The following ALDH1L1 variants were observed in gnomAD, a reference collection of about 807,000 sequenced individuals.
ALDH1L1 encodes the protein aldehyde dehydrogenase 1 family member L1, also known as cytosolic 10-formyltetrahydrofolate dehydrogenase.
In ALDH1L1, 68 loss-of-function variants were observed where a neutral mutation model predicts 101.1. The ratio of observed to expected loss-of-function variants is 0.67; its 90% CI spans 0.55 to 0.82. The LOEUF (loss-of-function observed/expected upper bound fraction) is 0.82. ALDH1L1 is among the 40% of genes least tolerant of loss of function. The pLI is 0.00. For synonymous variants in ALDH1L1, 486 were observed against 470.8 expected (o/e 1.03, Z -0.42); for missense variants, 1,087 against 1,172.7 (o/e 0.93, Z 1.07).
rs1233098503 is a variant in ALDH1L1, at chr3:126,190,333, T to C, written c.-24+7402A>G. 3.3e-5 allele frequency among the ~76,000 whole-genome samples: 5 copies of C among 152,294 alleles called. 1 individual carries two copies. The South Asian group carries it at 1.0e-3, about 32-fold the overall frequency. ...GACAAATCAAACATTGGCTATCAAC[T>C]CTTTTAGCAATTTTAGAACAATCAC... On this transcript the variant is annotated intron_variant, in intron 1 of 2. Coordinates refer to the ALDH1L1 transcript ENST00000509952.
intron 10 of ALDH1L1, 88 bp downstream of exon 10, chr3:126,137,725 C>T: frequency 6.6e-7 from 1 of 1,511,294 alleles, no homozygotes; most frequent in South Asian, 1.3e-5. Flanking sequence ...TTCTGAATGT[C>T]CAGGTTTCCC....
chr3:126,180,467 GA>G lies in ALDH1L1; in HGVS notation c.-24+8del. 1 of 993,880 alleles carries G rather than the reference GA, an allele frequency of 1.0e-6. No individual in the cohort carries two copies. Among genetic ancestry groups the G allele is most frequent in the Non-Finnish European group, 1.2e-6 (1 of 834,824 alleles). 61.6% of individuals were successfully genotyped at this position (993,880 alleles called of 1,614,324 possible). On this transcript the variant is annotated splice_region_variant and intron_variant, in intron 1 of 22. Coordinates refer to ENST00000393434, the MANE Select transcript of ALDH1L1 (RefSeq NM_012190.4). Reference sequence around the variant, plus strand: ...GGAGTCCAGCGCTCTCGAGAGCCCAGAAACTCACCGCGCGCAGGAGTTGGTG... The same window carrying G: ...GGAGTCCAGCGCTCTCGAGAGCCCAGAACTCACCGCGCGCAGGAGTTGGTG...
chr3:126,125,699 AG>A lies in ALDH1L1; in HGVS notation c.1716del (p.Trp573GlyfsTer5). 6.3e-7 allele frequency: 1 copy of A among 1,582,318 alleles called. No individual in the cohort carries two copies. The highest frequency in any genetic ancestry group is 8.6e-7 in the Non-Finnish European group (1 of 1,162,838). ...EPVGVCGIIIPWNYPLMMLSW... is the reference protein window; with the variant it reads ...EPVGVCGIIIXWNYPLMMLSW... ...GACAGCATCATCAGGGGATAGTTCCAGGGGATGATGATGCCACAAACCCTGC... is the reference window on the plus strand; with the variant it reads ...GACAGCATCATCAGGGGATAGTTCCAGGGATGATGATGCCACAAACCCTGC... On this transcript the variant is annotated frameshift_variant, in exon 15 of 23. Coordinates refer to ENST00000393434, the MANE Select transcript of ALDH1L1 (RefSeq NM_012190.4). LOFTEE classifies it high-confidence loss of function.
In ALDH1L1 at chr3:126,105,766, G is replaced by A. The variant is rs778185806; in HGVS notation, c.2613C>T (p.Pro871=). 16 of 1,614,238 alleles carry A rather than the reference G, an allele frequency of 9.9e-6. No individual in the cohort carries two copies. In the East Asian group the frequency reaches 3.6e-4, roughly 36 times the overall value. ...NTYNKTDVAA[P]FGGFKQSGFG... ...ATCCAGACTGTTTGAATCCTCCGAAGGGAGCGGCCACGTCGGTCTTGTTGT... is the reference window on the plus strand; with the variant it reads ...ATCCAGACTGTTTGAATCCTCCGAAAGGAGCGGCCACGTCGGTCTTGTTGT... Residue 871 remains proline (P), a synonymous_variant, in exon 22 of 23, where the codon CCC becomes CCT. Coordinates refer to ENST00000393434, the MANE Select transcript of ALDH1L1 (RefSeq NM_012190.4).
intron 20 of ALDH1L1, among the ~76,000 whole-genome samples, chr3:126,108,526 C>T (rs1945965423): frequency 6.6e-6 from 1 of 152,220 alleles, no homozygotes; most frequent in African/African-American, 2.4e-5. Flanking sequence ...GCTCCCCCAA[C>T]CCCACCTGCC....
At chr3:126,177,463 T>C (rs1398599574) in intron 1 of ALDH1L1, among the ~76,000 whole-genome samples, 1 of 152,106 alleles carries the variant, frequency 6.6e-6, no homozygotes, top group Non-Finnish European at 1.5e-5. Flanking sequence ...CTGGAAAGGC[T>C]ATATACCATA....
chr3:126,144,099 A>G (rs2080623483), intron 9 of ALDH1L1, among the ~76,000 whole-genome samples: 2 of 152,186 alleles, frequency 1.3e-5, no homozygotes, highest in Middle Eastern at 3.2e-3. Flanking sequence ...GGAAATTAAT[A>G]AAACAATTCC....
chr3:126,117,889 C>T (rs1350496572), intron 17 of ALDH1L1, 116 bp downstream of exon 17: 13 of 1,045,356 alleles, frequency 1.2e-5, no homozygotes, highest in African/African-American at 7.9e-5. Flanking sequence ...AGCAGGGCCA[C>T]GGAAGTGGCT....
chr3:126,150,353 T>G, intron 8 of ALDH1L1, 53 bp downstream of exon 8: 5 of 1,541,266 alleles, frequency 3.2e-6, no homozygotes, highest in Non-Finnish European at 3.5e-6. Flanking sequence ...GCAGAACACA[T>G]GTGCACGGCA....
intron 20 of ALDH1L1, among the ~76,000 whole-genome samples, chr3:126,107,710 C>T (rs917504463): frequency 3.3e-5 from 5 of 152,288 alleles, no homozygotes; most frequent in East Asian, 3.9e-4. Flanking sequence ...GCACTGGGAC[C>T]TCCTGGGGCT....
chr3:126,154,665 T>C (rs1336153685), intron 5 of ALDH1L1, 22 bp from the exon 6 acceptor site: 2 of 1,611,374 alleles, frequency 1.2e-6, no homozygotes, highest in Non-Finnish European at 1.7e-6. Flanking sequence ...AAGGTGTGTG[T>C]GCTCAGCTGG....
chr3:126,126,480 T>C (rs969233048), intron 14 of ALDH1L1, among the ~76,000 whole-genome samples: 1 of 152,116 alleles, frequency 6.6e-6, no homozygotes, highest in Admixed American at 6.5e-5. Context: ...CACTGGGTGT[T>C]TCCCCAAAAG....
At chr3:126,176,754 C>T (rs528099830) in intron 1 of ALDH1L1, among the ~76,000 whole-genome samples, 1 of 152,108 alleles carries the variant, frequency 6.6e-6, no homozygotes, top group African/African-American at 2.4e-5. Context: ...TTCTGCTCTG[C>T]AAAAGACACT....
upstream of ALDH1L1, among the ~76,000 whole-genome samples, chr3:126,182,229 C>T (rs906787592): frequency 6.6e-6 from 1 of 152,142 alleles, no homozygotes; most frequent in Admixed American, 6.5e-5. Flanking sequence ...TCAATGGACC[C>T]TCCACCTCCT....
intron 1 of ALDH1L1, among the ~76,000 whole-genome samples, chr3:126,168,286 G>A (rs1185056918): frequency 6.6e-6 from 1 of 151,954 alleles, no homozygotes; most frequent in African/African-American, 2.4e-5. Context: ...TTCTTAAAAT[G>A]CTAATCTACT....
chr3:126,152,904 T>C (rs1559956127), intron 7 of ALDH1L1: 1 of 210,010 alleles, frequency 4.8e-6, no homozygotes, highest in Non-Finnish European at 9.7e-6. Flanking sequence ...ATTTAACGCA[T>C]ATACATTGTT....
In ALDH1L1 at chr3:126,154,638, G is replaced by T; in HGVS notation, c.636C>A (p.Asn212Lys). The change falls in exon 6 of 23, where the codon AAC (asparagine) becomes AAA (lysine). Residue 212 changes from asparagine (N) to lysine (K), a missense_variant. Physicochemically the swap from Asn to Lys is moderately conservative, Grantham distance 94. This residue lies in a region of ALDH1L1 where 645 missense variants were observed against 637.0 expected (regional missense o/e 1.01). Transcript: ENST00000393434. Reference sequence around the variant, plus strand: ...GAATGGCCTCTGCCGGCTGGTCCCAGTTGATCTGTGGGGAGCAAGGTGTGT... The same window carrying T: ...GAATGGCCTCTGCCGGCTGGTCCCATTTGATCTGTGGGGAGCAAGGTGTGT... ...GIQKKETAKI[N>K]WDQPAEAIHN... 2.5e-6 allele frequency: 4 copies of T among 1,614,088 alleles called. No individual in the cohort carries two copies. The highest frequency in any genetic ancestry group is 2.5e-6 in the Non-Finnish European group (3 of 1,180,010).
chr3:126,134,145 C>T (rs569554594), intron 12 of ALDH1L1, among the ~76,000 whole-genome samples: 5 of 152,308 alleles, frequency 3.3e-5, no homozygotes, highest in African/African-American at 9.6e-5. Context: ...GAACTGCCCC[C>T]TCCGGGACAC....
In ALDH1L1 at chr3:126,153,277, C is replaced by T. The variant is rs1303884682; in HGVS notation, c.858+167G>A. On this transcript the variant is annotated intron_variant, in intron 7 of 22. Transcript: ENST00000393434. ...TAAACTGCCTCGGACACCCTGTGCT[C>T]AGGACCAGCCGGGTGGTCAGGGACA... 4 of 1,051,762 alleles carry T rather than the reference C, an allele frequency of 3.8e-6. No homozygotes were observed. The South Asian group carries it at 5.4e-5, about 14-fold the overall frequency. The allele number at this position is 1,051,762 out of a possible 1,614,324, so 65.2% of individuals were successfully genotyped here.
Sources: allele counts gnomAD v4.1 joint callset (sites outside exome capture counted in the v4.1 genomes callset), GRCh38; gene constraint gnomAD v4.1.1; regional missense constraint gnomAD v4.1.1; transcripts MANE v1.5; gene names NCBI Gene and HGNC (gene_info 2026-07-23, HGNC 2026-07-21).